CDK5RAP3: variants seen among roughly 807,000 people sequenced by gnomAD.
CDK5RAP3 encodes the protein CDK5 regulatory subunit-associated protein 3.
CDK5RAP3 carries 58 observed loss-of-function variants against 73.3 expected under a neutral mutation model. The ratio of observed to expected loss-of-function variants is 0.79; its 90% CI spans 0.64 to 0.98. CDK5RAP3 has a LOEUF of 0.98. CDK5RAP3 is among the 50% of genes least tolerant of loss of function. The pLI is 0.00. For missense variants in CDK5RAP3, 525 were observed against 615.8 expected (o/e 0.85, Z 1.56); for synonymous variants, 224 against 247.5 (o/e 0.91, Z 0.89).
Position 47,975,980 on chromosome 17 carries a change from C to T in CDK5RAP3, c.765C>T (p.Leu255=), listed in dbSNP as rs776208156. The part of the protein sequence containing the change: ...TEPSVVERPH[L]EELPEQVAED... Reference sequence around the variant, plus strand: ...CCTCTGTGGTGGAACGACCCCACCTCGAGGAGCTTCCTGAGCAGGTGGCAG... The same window carrying T: ...CCTCTGTGGTGGAACGACCCCACCTTGAGGAGCTTCCTGAGCAGGTGGCAG... The change falls in exon 8 of 14, where the codon CTC becomes CTT. Residue 255 remains leucine, a synonymous_variant. Coordinates refer to ENST00000338399, the MANE Select transcript of CDK5RAP3 (RefSeq NM_176096.3). The T allele has an allele frequency of 9.3e-6, 15 of 1,613,992 alleles. No homozygotes were observed. The East Asian group carries it at 2.5e-4, about 26-fold the overall frequency.
chr17:47,978,961 G>C, intron 11 of CDK5RAP3, 44 bp downstream of exon 11: 1 of 1,491,464 alleles, frequency 6.7e-7, no homozygotes, highest in Non-Finnish European at 9.4e-7. Context: ...CATGGCACCA[G>C]CACAGGTGGC....
In CDK5RAP3 at chr17:47,971,184, C is replaced by G. The variant is rs529021215; in HGVS notation, c.6+32C>G. 7 of 1,539,014 alleles carry G rather than the reference C, an allele frequency of 4.5e-6. No homozygotes were observed. In the South Asian group the frequency reaches 7.3e-5, roughly 16 times the overall value. ...GGACAGGAGCTGGGTGTGCTGGGGA[C>G]TGGCCGCGGACCCCTAACCTGTGTC... is the stretch of plus-strand genomic sequence containing the variant. On this transcript the variant is annotated intron_variant, in intron 1 of 13. Coordinates refer to ENST00000338399, the MANE Select transcript of CDK5RAP3 (RefSeq NM_176096.3).
chr17:47,979,335 C>T (rs921511097), intron 11 of CDK5RAP3: 1 of 165,542 alleles, frequency 6.0e-6, no homozygotes, highest in African/African-American at 2.4e-5. Flanking sequence ...GGGAAGGCCT[C>T]ATTGAGAAGG....
At chr17:47,970,991 A>T, upstream of CDK5RAP3, 1 of 1,485,374 alleles carries the variant, frequency 6.7e-7, no homozygotes, top group Non-Finnish European at 9.0e-7. Flanking sequence ...TTGAGGCCTG[A>T]GTGGAGCGTA....
At chr17:47,977,733 T>A in intron 9 of CDK5RAP3, 99 bp from the exon 10 acceptor site, 2 of 921,984 alleles carry the variant, frequency 2.2e-6, no homozygotes, top group Non-Finnish European at 3.4e-6. Flanking sequence ...AGAGTTGGAA[T>A]GTGCAGCCAT....
chr17:47,970,966 TG>T (rs2036244231), upstream of CDK5RAP3: 9 of 1,459,572 alleles, frequency 6.2e-6, no homozygotes, highest in Non-Finnish European at 8.1e-6. Flanking sequence ...ATTCGGAGCC[TG>T]GGGTGGGCGG....
chr17:47,971,554 A>T (rs72823513), intron 2 of CDK5RAP3, 147 bp downstream of exon 2: 17 of 754,416 alleles, frequency 2.3e-5, no homozygotes, highest in Non-Finnish European at 1.0e-5. Context: ...CTGTGGCCAG[A>T]CCTGCTTCCC....
At chr17:47,977,581 T>A (rs901028853) in intron 9 of CDK5RAP3, among the ~76,000 whole-genome samples, 1 of 152,108 alleles carries the variant, frequency 6.6e-6, no homozygotes. Flanking sequence ...GCCCAGCCCA[T>A]GTGAGAGTTA....
chr17:47,970,883 C>A (rs1292389351), upstream of CDK5RAP3: 4 of 1,428,182 alleles, frequency 2.8e-6, no homozygotes, highest in African/African-American at 1.4e-5. Context: ...CACCCCCTCC[C>A]GTCCCCTGCC....
At chr17:47,981,412 TG>T (rs2036551264) in intron 13 of CDK5RAP3, 24 bp from the exon 14 acceptor site, 1 of 1,614,254 alleles carries the variant, frequency 6.2e-7, no homozygotes, top group African/African-American at 1.3e-5. Flanking sequence ...CCCCTGCTTC[TG>T]CCCACTTGGT....
In CDK5RAP3 at chr17:47,975,343, C is replaced by T. The variant is rs748108750; in HGVS notation, c.513+6C>T. The T allele has an allele frequency of 6.2e-6, 10 of 1,612,402 alleles. No individual in the cohort carries two copies. The African/African-American group carries it at 8.0e-5, about 13-fold the overall frequency. On this transcript the variant is annotated splice_donor_region_variant and intron_variant, in intron 6 of 13. Coordinates refer to ENST00000338399, the MANE Select transcript of CDK5RAP3 (RefSeq NM_176096.3). The stretch of plus-strand genomic sequence containing the variant: ...GCAAGCAGTATGGCATCACGGTGAG[C>T]GGCGGCAGCCTCTTCGCAGCCAGAG...
intron 9 of CDK5RAP3, among the ~76,000 whole-genome samples, chr17:47,977,293 C>G (rs951036062): frequency 4.6e-5 from 7 of 152,194 alleles, no homozygotes; most frequent in Non-Finnish European, 8.8e-5. Flanking sequence ...GGACTACAGG[C>G]GCCCGCCACC....
At chr17:47,968,585 T>C (rs1405715915), upstream of CDK5RAP3, among the ~76,000 whole-genome samples, 5 of 152,236 alleles carry the variant, frequency 3.3e-5, no homozygotes, top group Non-Finnish European at 7.3e-5. Flanking sequence ...TGGCGCAATA[T>C]CGGCTCACTG....
chr17:47,974,182 T>C, intron 4 of CDK5RAP3, 151 bp downstream of exon 4: 1 of 713,386 alleles, frequency 1.4e-6, no homozygotes, highest in East Asian at 2.6e-5. Flanking sequence ...ACTCCAAAAG[T>C]GGATCCTATC....
In CDK5RAP3 at chr17:47,971,370, G is replaced by A. The variant is rs565601221; in HGVS notation, c.15G>A (p.Gln5=). MEDH[Q]HVPIDIQTSK... is the part of the protein sequence containing the mutation. ...ACCGTGTTTCCCGCCAGGACCATCA[G>A]CACGTGCCCATCGACATCCAGACCA... Residue 5 remains glutamine, a synonymous_variant, in exon 2 of 14, where the codon CAG becomes CAA. Coordinates refer to ENST00000338399, the MANE Select transcript of CDK5RAP3 (RefSeq NM_176096.3). The A allele has an allele frequency of 9.6e-5, 155 of 1,610,650 alleles. No individual in the cohort carries two copies. Among genetic ancestry groups the A allele is most frequent in the Non-Finnish European group, 1.3e-4 (150 of 1,178,746 alleles).
At chr17:47,978,053 A>AGG in intron 10 of CDK5RAP3, 143 bp downstream of exon 10, 1 of 481,152 alleles carries the variant, frequency 2.1e-6, no homozygotes, top group Non-Finnish European at 3.6e-6. Flanking sequence ...ATGTGAGCTG[A>AGG]GGGGGACCAA....
chr17:47,973,399 C>T (rs1475461799), intron 2 of CDK5RAP3, 120 bp from the exon 3 acceptor site: 3 of 1,148,674 alleles, frequency 2.6e-6, no homozygotes, highest in African/African-American at 3.1e-5. Flanking sequence ...CCCATGACCC[C>T]CATACTTTAA....
At chr17:47,977,971 C>A in intron 10 of CDK5RAP3, 61 bp downstream of exon 10, 1 of 1,284,832 alleles carries the variant, frequency 7.8e-7, no homozygotes, top group Non-Finnish European at 1.1e-6. Context: ...CCCCACGTGT[C>A]TAGAAACAAA....
At chr17:47,973,386 C>G in intron 2 of CDK5RAP3, 133 bp from the exon 3 acceptor site, 7 of 987,552 alleles carry the variant, frequency 7.1e-6, no homozygotes, top group Non-Finnish European at 1.0e-5. Context: ...TTATTCCCAT[C>G]TTCCCATGAC....
Sources: allele counts gnomAD v4.1 joint callset (sites outside exome capture counted in the v4.1 genomes callset), GRCh38; gene constraint gnomAD v4.1.1; transcripts MANE v1.5; gene names NCBI Gene and HGNC (gene_info 2026-07-23, HGNC 2026-07-21).